OTOF: variants seen among roughly 807,000 people sequenced by gnomAD.
OTOF encodes otoferlin, also known as fer-1-like family member 2.
Under a neutral mutation model 236.8 loss-of-function variants are expected in OTOF, and 218 were observed. That is an observed-to-expected ratio of 0.92 (90% CI 0.82 to 1.03). The LOEUF is 1.03. Among genes scored for constraint, OTOF ranks in the 50% least tolerant of loss-of-function variants. OTOF has a pLI of 0.00. For synonymous variants in OTOF, 1,041 were observed against 1,072.5 expected (o/e 0.97, Z 0.57); for missense variants, 2,590 against 2,694.4 (o/e 0.96, Z 0.86).
chr2:26,482,335 G>A, intron 14 of OTOF, 71 bp downstream of exon 14: 1 of 1,388,724 alleles, frequency 7.2e-7, no homozygotes, highest in Non-Finnish European at 1.0e-6. Context: ...TGAAGAGAGG[G>A]CATCTCACAT....
Position 26,477,932 on chromosome 2 carries a change from C to G in OTOF, c.2215-183G>C. The G allele has an allele frequency of 6.8e-7, 1 of 1,474,836 alleles. No individual in the cohort carries two copies. The highest frequency in any genetic ancestry group is 8.9e-7 in the Non-Finnish European group (1 of 1,119,902). The allele number at this position is 1,474,836 out of a possible 1,614,324, so 91.4% of individuals were successfully genotyped here. ...ATTTCCCAGGTTCTGTTCTCAGAAC[C>G]TGGAGATGTTGGTGTTCATGGGGGT... On this transcript the variant is annotated intron_variant, in intron 18 of 46. Transcript: ENST00000272371. This position sits in a 1 kb window ranked among gnomAD's most constrained non-coding sequence, Gnocchi z 4.7.
rs141271513 is a variant in OTOF at position 26,502,416 on chromosome 2, C to T, written c.594G>A (p.Ala198=). ...KEEPQRPDEP[A]VLEMEDLDHL... is the part of the protein sequence containing the mutation. ...GGTCAAGGTCTTCCATCTCCAGCAC[C>T]GCCGGTTCATCTGGGGAAGATGAAA... is the stretch of plus-strand genomic sequence containing the variant. Residue 198 remains alanine (A), a synonymous_variant, in exon 7 of 47, where the codon GCG becomes GCA. Transcript: ENST00000272371. 20 of 1,613,176 alleles carry T rather than the reference C, an allele frequency of 1.2e-5. No individual in the cohort carries two copies. Among genetic ancestry groups the T allele is most frequent in the Non-Finnish European group, 1.4e-5 (16 of 1,179,834 alleles).
chr2:26,496,379 C>T (rs1039947640), intron 8 of OTOF, among the ~76,000 whole-genome samples: 1 of 151,808 alleles, frequency 6.6e-6, no homozygotes, highest in African/African-American at 2.4e-5. Flanking sequence ...GGATTACAAG[C>T]ATATGCCACC....
chr2:26,511,006 C>T (rs1322761319), intron 5 of OTOF, among the ~76,000 whole-genome samples: 1 of 152,260 alleles, frequency 6.6e-6, no homozygotes, highest in African/African-American at 2.4e-5. Flanking sequence ...ATTCCAACCC[C>T]AAGCTCTGAT....
intron 6 of OTOF, among the ~76,000 whole-genome samples, chr2:26,503,060 G>A (rs1175518050): frequency 6.6e-6 from 1 of 152,170 alleles, no homozygotes; most frequent in Non-Finnish European, 1.5e-5. Context: ...GGGCACGGCT[G>A]GAATTGGCAT....
At chr2:26,529,045 A>T (rs996990607) in intron 2 of OTOF, among the ~76,000 whole-genome samples, 3 of 152,122 alleles carry the variant, frequency 2.0e-5, no homozygotes, top group Admixed American at 1.3e-4. Context: ...TGATATGAGG[A>T]CAGTTTTTCC....
rs1166883810 is a variant in OTOF at position 26,470,667 on chromosome 2, C to A, written c.3949G>T (p.Glu1317Ter). 6.2e-7 allele frequency: 1 copy of A among 1,614,162 alleles called. No homozygotes were observed. ...KKKKGTAEEP[E>*]EEEPDESMLD... Reference sequence around the variant, plus strand: ...ATGCTCTCGTCTGGCTCCTCCTCCTCTGGCTCCTCCGCAGTGCCCTTCTTC... The same window carrying A: ...ATGCTCTCGTCTGGCTCCTCCTCCTATGGCTCCTCCGCAGTGCCCTTCTTC... The change falls in exon 32 of 47, where the codon GAG becomes TAG. Residue 1317 changes from glutamate to a stop codon, truncating the protein, a stop_gained. Coordinates refer to ENST00000272371, the MANE Select transcript of OTOF (RefSeq NM_194248.3). LOFTEE classifies it high-confidence loss of function. The surrounding 1 kb of genome is among the most constrained non-coding windows in gnomAD (Gnocchi z 4.3).
In OTOF at chr2:26,480,946, A is replaced by T; in HGVS notation, c.1643T>A (p.Leu548Gln). The change falls in exon 15 of 47, where the codon CTG (leucine) becomes CAG (glutamine). Residue 548 changes from leucine (L) to glutamine (Q), a missense_variant. By Grantham distance (113) the Leu-to-Gln change is moderately radical (BLOSUM62 -2). Coordinates refer to ENST00000272371, the MANE Select transcript of OTOF (RefSeq NM_194248.3). The stretch of plus-strand genomic sequence containing the variant: ...GTTCAGGTCCTGATGCTCATCCAGC[A>T]GCGTGTAGTTACGTGTGGAGCCGTA... The part of the protein sequence containing the change: ...NMYGSTRNYT[L>Q]LDEHQDLNEG... The T allele has an allele frequency of 6.2e-7, 1 of 1,613,020 alleles. No homozygotes were observed. The highest frequency in any genetic ancestry group is 8.5e-7 in the Non-Finnish European group (1 of 1,180,006).
intron 11 of OTOF, 76 bp from the exon 12 acceptor site, chr2:26,484,709 G>A (rs1359404050): frequency 4.6e-6 from 7 of 1,514,358 alleles, no homozygotes; most frequent in African/African-American, 1.4e-5. Context: ...GCAGGCCAAG[G>A]GGTGGCAGAA....
chr2:26,518,712 G>A (rs934526708), intron 4 of OTOF, among the ~76,000 whole-genome samples: 3 of 152,264 alleles, frequency 2.0e-5, no homozygotes, highest in Admixed American at 6.5e-5. Context: ...ATGACAAAAG[G>A]AGCCTCTTTA....
In OTOF at chr2:26,494,958, C is replaced by T. The variant is rs1558498355; in HGVS notation, c.881G>A (p.Cys294Tyr). 1.9e-6 allele frequency: 3 copies of T among 1,614,170 alleles called. No homozygotes were observed. The highest frequency in any genetic ancestry group is 1.7e-6 in the Non-Finnish European group (2 of 1,180,026). Residue 294 changes from cysteine to tyrosine, a missense_variant, in exon 9 of 47, where the codon TGC (cysteine) becomes TAC (tyrosine). Around this residue, in one of 2 missense-constraint regions of OTOF, gnomAD observed 1,379 missense variants for 1,341.6 expected, o/e 1.03. Transcript: ENST00000272371. Reference sequence around the variant, plus strand: ...GCCACTGACCTCGTTGTAATAGGGGCAGTTAGTGGACTCCTTCATGGATGT... The same window carrying T: ...GCCACTGACCTCGTTGTAATAGGGGTAGTTAGTGGACTCCTTCATGGATGT... ...KYTSMKESTNCPYYNEYFVFD... is the reference protein window; with the variant it reads ...KYTSMKESTNYPYYNEYFVFD...
In OTOF at chr2:26,466,778, C is replaced by A. The variant is rs140502241; in HGVS notation, c.4436G>T (p.Gly1479Val). ...SREAGYDSTY[G>V]MFQGIPSNDP... is the part of the protein sequence containing the mutation. ...ATTGCTCGGGATGCCCTGGAACATG[C>A]CGTAGGTGGAGTCGTAGCCGGCTTC... Residue 1479 changes from glycine (G) to valine (V), a missense_variant, in exon 36 of 47, where the codon GGC becomes GTC. Around this residue, in one of 2 missense-constraint regions of OTOF, gnomAD observed 1,211 missense variants for 1,352.8 expected, o/e 0.90. Coordinates refer to ENST00000272371, the MANE Select transcript of OTOF (RefSeq NM_194248.3). The A allele has an allele frequency of 1.4e-5, 22 of 1,614,100 alleles. No individual in the cohort carries two copies. In the African/African-American group the frequency reaches 2.9e-4, roughly 22 times the overall value.
intron 11 of OTOF, among the ~76,000 whole-genome samples, chr2:26,485,323 C>T (rs1665674539): frequency 7.9e-5 from 12 of 152,212 alleles, no homozygotes. Context: ...ATGCAGCCCT[C>T]CCTGACTTCC....
intron 4 of OTOF, 139 bp downstream of exon 4, chr2:26,518,871 G>A: frequency 1.4e-6 from 1 of 718,414 alleles, no homozygotes. Flanking sequence ...AGCAGAGTCT[G>A]ACCTGAGTCT....
At chr2:26,496,306 C>G (rs1187203530) in intron 8 of OTOF, among the ~76,000 whole-genome samples, 2 of 151,186 alleles carry the variant, frequency 1.3e-5, no homozygotes, top group African/African-American at 4.9e-5. Flanking sequence ...ATGATCTCAG[C>G]TCACTGCAGC....
chr2:26,535,822 G>T (rs1452610244), intron 2 of OTOF, among the ~76,000 whole-genome samples: 1 of 152,224 alleles, frequency 6.6e-6, no homozygotes, highest in Non-Finnish European at 1.5e-5. Flanking sequence ...CTCTCCCCCT[G>T]AGGCAGGCTG....
intron 26 of OTOF, 61 bp from the exon 27 acceptor site, chr2:26,474,171 A>C: frequency 6.2e-7 from 1 of 1,607,972 alleles, no homozygotes; most frequent in Non-Finnish European, 8.5e-7. Flanking sequence ...CTCTTTCCCC[A>C]TGAGTTGTTT....
chr2:26,498,458 G>A (rs1032511519), intron 8 of OTOF, among the ~76,000 whole-genome samples: 2 of 152,186 alleles, frequency 1.3e-5, no homozygotes, highest in Non-Finnish European at 2.9e-5. Flanking sequence ...TGATGCACTT[G>A]AAATAAAAAA....
At chr2:26,545,339 A>G (rs1216380869) in intron 1 of OTOF, among the ~76,000 whole-genome samples, 1 of 152,204 alleles carries the variant, frequency 6.6e-6, no homozygotes, top group Non-Finnish European at 1.5e-5. Context: ...TTTTGCCTAC[A>G]TAAAAAATTT....
Sources: allele counts gnomAD v4.1 joint callset (sites outside exome capture counted in the v4.1 genomes callset), GRCh38; gene constraint gnomAD v4.1.1; regional missense constraint gnomAD v4.1.1; non-coding constraint Gnocchi (gnomAD v3.1); transcripts MANE v1.5; gene names NCBI Gene and HGNC (gene_info 2026-07-23, HGNC 2026-07-21).